The following RPL36 variants were observed in gnomAD, a reference collection of about 807,000 sequenced individuals.
The protein encoded by RPL36 is large ribosomal subunit protein eL36.
For synonymous variants in RPL36, 74 were observed against 56.0 expected, an observed-to-expected ratio of 1.32 and a Z score of -1.44; for missense variants, 131 against 144.9, an observed-to-expected ratio of 0.90 and a Z score of 0.49.
Position 5,690,974 on chromosome 19 carries a change from G to C in RPL36, c.94-345G>C, listed in dbSNP as rs903409466. ...TGGGCGCCTTTATTAAGCGGGCAGC[G>C]GGTTTGGGGTTCTGACGCAGGAGTA... On this transcript the variant is annotated intron_variant, in intron 2 of 3. Coordinates refer to ENST00000347512, the MANE Select transcript of RPL36 (RefSeq NM_033643.3). 5.7e-6 allele frequency: 3 copies of C among 524,306 alleles called. No individual in the cohort carries two copies. The Admixed American group carries it at 9.8e-5, about 17-fold the overall frequency. The allele number at this position is 524,306 out of a possible 1,614,324, so 32.5% of individuals were successfully genotyped here. A position where few individuals can be genotyped will look rare whatever the true frequency, so the allele number is the denominator to read the frequency against.
chr19:5,690,531 C>T lies in RPL36; in HGVS notation c.24C>T (p.Ala8=), dbSNP rs11556109. The T allele has an allele frequency of 1.9e-5, 29 of 1,564,346 alleles. 1 individual carries two copies. The highest frequency in any genetic ancestry group is 8.7e-6 in the Non-Finnish European group (10 of 1,154,990). Residue 8 remains alanine, a synonymous_variant, in exon 2 of 4, where the codon GCC becomes GCT. Transcript: ENST00000347512. ...CCATGGCCCTACGCTACCCTATGGC[C>T]GTGGGCCTCAACAAGGGCCACAAAG... The part of the protein sequence containing the change: MALRYPM[A]VGLNKGHKVT...
intron 2 of RPL36, 169 bp from the exon 3 acceptor site, chr19:5,691,150 T>G (rs1599437210): frequency 1.1e-6 from 1 of 882,066 alleles, no homozygotes; most frequent in Non-Finnish European, 1.8e-6. Flanking sequence ...TTAGGGAGGA[T>G]GGGAGCTGCT....
chr19:5,691,509 G>A (rs1259464616), intron 3 of RPL36, 23 bp from the exon 4 acceptor site: 1 of 1,609,300 alleles, frequency 6.2e-7, no homozygotes, highest in East Asian at 2.2e-5. Context: ...GGGCCGGGCT[G>A]ACGGCGGCCT....
intron 3 of RPL36, 29 bp from the exon 4 acceptor site, chr19:5,691,503 C>G (rs1287093848): frequency 2.5e-6 from 4 of 1,607,452 alleles, no homozygotes; most frequent in Non-Finnish European, 3.4e-6. Context: ...GAGTCAGGGC[C>G]GGGCTGACGG....
In RPL36 at chr19:5,690,687, A is replaced by G. The variant is rs1026347324; in HGVS notation, c.93+87A>G. On this transcript the variant is annotated intron_variant, in intron 2 of 3. Coordinates refer to ENST00000347512, the MANE Select transcript of RPL36 (RefSeq NM_033643.3). ...GGGCAAAGGCTCTCGACCTGAAAGA[A>G]CGCGCGTTCGGGCGCAGAACTAAGG... 3.1e-5 allele frequency: 34 copies of G among 1,112,992 alleles called. 1 individual carries two copies. The Middle Eastern group carries it at 9.7e-4, about 32-fold the overall frequency. The allele number at this position is 1,112,992 out of a possible 1,614,324, so 68.9% of individuals were successfully genotyped here. A position where few individuals can be genotyped will look rare whatever the true frequency, so the allele number is the denominator to read the frequency against.
Position 5,691,432 on chromosome 19 carries a change from C to T in RPL36, c.207C>T (p.Ala69=), listed in dbSNP as rs1599437733. The T allele has an allele frequency of 6.2e-7, 1 of 1,613,950 alleles. No individual in the cohort carries two copies. Among genetic ancestry groups the T allele is most frequent in the South Asian group, 1.1e-5 (1 of 91,078 alleles). Residue 69 remains alanine (A), a synonymous_variant, in exon 3 of 4, where the codon GCC becomes GCT. Transcript: ENST00000347512. The stretch of plus-strand genomic sequence containing the variant: ...TGAAGGTCTCCAAGGACAAACGGGC[C>T]CTCAAATTTATCAAGAAAAGGGTAG... ...ELLKVSKDKR[A]LKFIKKRVGT...
In RPL36 at chr19:5,691,674, G is replaced by C; in HGVS notation, c.*53G>C. The stretch of plus-strand genomic sequence containing the variant: ...AAAGAACAGCTTGACAGAAGCCCTG[G>C]CTCTCCTGCTGTCCGTGGGTGGGTG... On this transcript the variant is annotated 3_prime_UTR_variant, in exon 4 of 4. Coordinates refer to ENST00000347512, the MANE Select transcript of RPL36 (RefSeq NM_033643.3). 2.6e-6 allele frequency: 4 copies of C among 1,532,132 alleles called. No homozygotes were observed. The highest frequency in any genetic ancestry group is 3.5e-6 in the Non-Finnish European group (4 of 1,129,126). The allele number at this position is 1,532,132 out of a possible 1,614,324, so 94.9% of individuals were successfully genotyped here. A position where few individuals can be genotyped will look rare whatever the true frequency, so the allele number is the denominator to read the frequency against.
chr19:5,691,297 C>T, intron 2 of RPL36, 22 bp from the exon 3 acceptor site: 2 of 1,612,244 alleles, frequency 1.2e-6, no homozygotes, highest in Non-Finnish European at 1.7e-6. Flanking sequence ...CCTACCCTGA[C>T]GGCCGCCCCT....
intron 2 of RPL36, 125 bp from the exon 3 acceptor site, chr19:5,691,194 C>A: frequency 7.0e-7 from 1 of 1,436,938 alleles, no homozygotes. Context: ...GCGTTAATAC[C>A]TTGGTTCTCA....
intron 2 of RPL36, chr19:5,691,105 C>T (rs1190566233): frequency 1.5e-6 from 1 of 655,562 alleles, no homozygotes; most frequent in Non-Finnish European, 2.6e-6. Flanking sequence ...GCCCAGACTC[C>T]AGGTGCGTCC....
Position 5,691,843 on chromosome 19 carries a change from TGA to T in RPL36, c.*223_*224del. The T allele has an allele frequency of 1.2e-6, 1 of 810,376 alleles. No homozygotes were observed. The highest frequency in any genetic ancestry group is 1.9e-6 in the Non-Finnish European group (1 of 520,712). 50.2% of individuals were successfully genotyped at this position (810,376 alleles called of 1,614,324 possible). A position where few individuals can be genotyped will look rare whatever the true frequency, so the allele number is the denominator to read the frequency against. On this transcript the variant is annotated 3_prime_UTR_variant, in exon 4 of 4. Coordinates refer to ENST00000347512, the MANE Select transcript of RPL36 (RefSeq NM_033643.3). ...GGTGAGGAAGCCGCCGTACTGCAAA[TGA>T]CTTTAATCATTAAATAGCTTCTATG...
rs1047974977 is a variant in RPL36 at position 5,691,258 on chromosome 19, A to C, written c.94-61A>C. ...CAGGGAAATCGCGGCAGCGCGAGAG[A>C]AGCTGCTTAACTAGAATGCAGGGAT... On this transcript the variant is annotated intron_variant, in intron 2 of 3. Transcript: ENST00000347512. 4 of 1,608,932 alleles carry C rather than the reference A, an allele frequency of 2.5e-6. No homozygotes were observed. In the African/African-American group the frequency reaches 5.3e-5, roughly 22 times the overall value.
chr19:5,691,750 C>T lies in RPL36; in HGVS notation c.*129C>T. On this transcript the variant is annotated 3_prime_UTR_variant, in exon 4 of 4. Transcript: ENST00000347512. ...CCTGTCTGGTGCCCGCTCTGAGCCA[C>T]ACCCTCTCCGGGTGCTGCCTGGTCG... The T allele has an allele frequency of 9.3e-7, 1 of 1,073,152 alleles. No homozygotes were observed. The highest frequency in any genetic ancestry group is 1.4e-6 in the Non-Finnish European group (1 of 720,974). The allele number at this position is 1,073,152 out of a possible 1,614,324, so 66.5% of individuals were successfully genotyped here.
At chr19:5,691,077 G>A in intron 2 of RPL36, 3 of 598,058 alleles carry the variant, frequency 5.0e-6, no homozygotes, top group South Asian at 2.0e-5. Flanking sequence ...TGTATTGGGC[G>A]CCTTTATTCA....
intron 2 of RPL36, chr19:5,691,025 G>A: frequency 1.8e-6 from 1 of 555,928 alleles, no homozygotes; most frequent in South Asian, 2.1e-5. Flanking sequence ...GAGCTGGCCC[G>A]AGGTTGCGGT....
chr19:5,691,833 G>C lies in RPL36; in HGVS notation c.*212G>C. 1.0e-5 allele frequency: 8 copies of C among 795,910 alleles called. No individual in the cohort carries two copies. Among genetic ancestry groups the C allele is most frequent in the South Asian group, 5.3e-5 (3 of 56,924 alleles). 49.3% of individuals were successfully genotyped at this position (795,910 alleles called of 1,614,324 possible). On this transcript the variant is annotated 3_prime_UTR_variant, in exon 4 of 4. Transcript: ENST00000347512. ...CGGGGCAGCAGGTGAGGAAGCCGCC[G>C]TACTGCAAATGACTTTAATCATTAA...
At position 5,690,483 on chromosome 19, in the gene RPL36, C is replaced by T. The variant is rs1049958; in HGVS notation, c.-2-23C>T. 8,223 of 1,537,464 alleles carry T rather than the reference C, an allele frequency of 5.3e-3. 345 individuals are homozygous for T. In the African/African-American group the frequency reaches 0.096, roughly 18 times the overall value. On this transcript the variant is annotated intron_variant, in intron 1 of 3. Transcript: ENST00000347512. ...ACTGAGCCGGTACTCACCTCCGCCC[C>T]TTCTCCCCGTCGCTGTCCGCAGCCA...
chr19:5,690,634 G>T (rs1423469506), intron 2 of RPL36, 34 bp downstream of exon 2: 2 of 1,504,394 alleles, frequency 1.3e-6, no homozygotes, highest in South Asian at 1.2e-5. Context: ...GTTGTCGGGG[G>T]TTTCTTGGAG....
chr19:5,690,410 G>A, intron 1 of RPL36, 83 bp downstream of exon 1: 1 of 957,630 alleles, frequency 1.0e-6, no homozygotes, highest in Non-Finnish European at 1.6e-6. Context: ...GGTTGGTTGT[G>A]GCGAGCGAGG....
Sources: allele counts gnomAD v4.1 joint callset, GRCh38; gene constraint gnomAD v4.1.1; transcripts MANE v1.5; gene names NCBI Gene and HGNC (gene_info 2026-07-23, HGNC 2026-07-21).